PDE4B: variants seen among roughly 807,000 people sequenced by gnomAD.
PDE4B encodes the protein 3',5'-cyclic-AMP phosphodiesterase 4B.
A neutral mutation model predicts 82.2 loss-of-function variants in PDE4B; 20 were observed. That is an observed-to-expected ratio of 0.24 (90% CI 0.17 to 0.35). PDE4B has a LOEUF of 0.35. Ranked by LOEUF, PDE4B falls within the 10% of genes least tolerant of loss-of-function variation. The pLI, the probability that PDE4B is intolerant of heterozygous loss-of-function variation, is 1.00. For synonymous variants in PDE4B, 320 were observed against 318.9 expected, an observed-to-expected ratio of 1.00 and a Z score of -0.04; for missense variants, 655 against 907.2, an observed-to-expected ratio of 0.72 and a Z score of 3.57.
At chr1:65,827,504 C>A (rs1646032504) in intron 1 of PDE4B, among the ~76,000 whole-genome samples, 1 of 151,906 alleles carries the variant, frequency 6.6e-6, no homozygotes, top group Non-Finnish European at 1.5e-5. Flanking sequence ...ATAAAGAATA[C>A]CTTCAACTGA....
intron 3 of PDE4B, among the ~76,000 whole-genome samples, chr1:66,030,041 T>G (rs2100794679): frequency 6.6e-6 from 1 of 151,756 alleles, no homozygotes; most frequent in African/African-American, 2.4e-5. Flanking sequence ...TTGAGGGTTT[T>G]TTTTTTTTTT....
intron 3 of PDE4B, among the ~76,000 whole-genome samples, chr1:65,948,496 A>C (rs1013706269): frequency 6.6e-6 from 1 of 151,938 alleles, no homozygotes; most frequent in Non-Finnish European, 1.5e-5. Context: ...CTGAGAGGCT[A>C]GACCAGTCTC....
rs192090503 is a variant in PDE4B, at chr1:66,367,175, A to G, written c.1385-521A>G. Among the ~76,000 whole-genome samples, 427 of 152,328 alleles carry G rather than the reference A, an allele frequency of 2.8e-3. 1 individual carries two copies. The highest frequency in any genetic ancestry group is 4.4e-3 in the Non-Finnish European group (302 of 68,022). The stretch of plus-strand genomic sequence containing the variant: ...GTAATGTTTAGTATCATATTAATAG[A>G]AAGCTCTAAAAAGTGACAGTATTTG... On this transcript the variant is annotated intron_variant, in intron 13 of 16. Coordinates refer to ENST00000341517, the MANE Select transcript of PDE4B (RefSeq NM_002600.4).
chr1:65,988,624 C>G (rs1301413722), intron 3 of PDE4B, among the ~76,000 whole-genome samples: 2 of 101,742 alleles, frequency 2.0e-5, no homozygotes, highest in African/African-American at 5.1e-5. Context: ...AAATCTGTTC[C>G]TCTTTTAAAG....
intron 1 of PDE4B, among the ~76,000 whole-genome samples, chr1:65,885,386 A>G (rs1646761665): frequency 1.3e-5 from 2 of 152,206 alleles, no homozygotes; most frequent in Admixed American, 6.6e-5. Flanking sequence ...ATTATAAATC[A>G]TGCTGCTATA....
chr1:66,330,772 G>A (rs1660047123), intron 7 of PDE4B: 1 of 985,352 alleles, frequency 1.0e-6, no homozygotes, highest in Non-Finnish European at 1.2e-6. Context: ...GGACACACTA[G>A]AGAGTAAGTC....
At chr1:65,805,986 C>T (rs1645751201) in intron 1 of PDE4B, among the ~76,000 whole-genome samples, 1 of 152,116 alleles carries the variant, frequency 6.6e-6, no homozygotes, top group East Asian at 1.9e-4. Context: ...TCTTTTCTTT[C>T]TGGATACTGT....
intron 1 of PDE4B, among the ~76,000 whole-genome samples, chr1:65,885,860 TA>T (rs1557798045): frequency 4.3e-5 from 6 of 139,228 alleles, no homozygotes; most frequent in African/African-American, 1.7e-4. Context: ...TAACGTATAA[TA>T]ATAATAATAA....
At chr1:66,140,077 A>T (rs906030281) in intron 3 of PDE4B, among the ~76,000 whole-genome samples, 2 of 152,220 alleles carry the variant, frequency 1.3e-5, no homozygotes, top group African/African-American at 4.8e-5. Flanking sequence ...ACACAAACAC[A>T]GGATGGAGCA....
chr1:66,196,993 G>A (rs923822948), intron 3 of PDE4B, among the ~76,000 whole-genome samples: 1 of 151,956 alleles, frequency 6.6e-6, no homozygotes, highest in Non-Finnish European at 1.5e-5. Flanking sequence ...AAACATAAGA[G>A]CTCAGGATAA....
At chr1:65,868,161 C>T (rs1571040117) in intron 1 of PDE4B, among the ~76,000 whole-genome samples, 1 of 152,276 alleles carries the variant, frequency 6.6e-6, no homozygotes, top group African/African-American at 2.4e-5. Flanking sequence ...CAGATGGCTC[C>T]CTATGCTCTC....
intron 1 of PDE4B, among the ~76,000 whole-genome samples, chr1:65,836,970 A>C (rs1646146958): frequency 6.6e-6 from 1 of 152,148 alleles, no homozygotes; most frequent in Non-Finnish European, 1.5e-5. Context: ...GAACTCAGGG[A>C]GAAGACTTCC....
intron 3 of PDE4B, among the ~76,000 whole-genome samples, chr1:66,119,723 C>G (rs1293604464): frequency 2.0e-5 from 3 of 152,188 alleles, no homozygotes; most frequent in African/African-American, 7.2e-5. Flanking sequence ...TGTTGAAGTC[C>G]TAACTCCCAG....
intron 16 of PDE4B, among the ~76,000 whole-genome samples, chr1:66,371,406 C>G (rs575063966): frequency 3.0e-4 from 46 of 152,004 alleles, no homozygotes; most frequent in African/African-American, 9.2e-4. Flanking sequence ...TTGTCCCCAC[C>G]CCCAGTGTTT....
At chr1:65,976,917 T>A (rs577859837) in intron 3 of PDE4B, among the ~76,000 whole-genome samples, 1 of 152,224 alleles carries the variant, frequency 6.6e-6, no homozygotes, top group Admixed American at 6.5e-5. Flanking sequence ...AGTGTGAGAA[T>A]GGACTAACAG....
At chr1:66,097,537 C>CT (rs1021520985) in intron 3 of PDE4B, among the ~76,000 whole-genome samples, 1 of 151,718 alleles carries the variant, frequency 6.6e-6, no homozygotes, top group Non-Finnish European at 1.5e-5. Flanking sequence ...TTCAAATTTA[C>CT]TTTTTTTTCT....
intron 1 of PDE4B, among the ~76,000 whole-genome samples, chr1:65,881,928 C>G (rs1429594661): frequency 6.6e-6 from 1 of 152,102 alleles, no homozygotes; most frequent in East Asian, 1.9e-4. Flanking sequence ...TATCATTATG[C>G]TATTTGATCT....
Position 66,323,648 on chromosome 1 carries a change from C to G in PDE4B, c.635-8860C>G, listed in dbSNP as rs190949531. ...AATGTACCATGCACTGTCCTAAGCA[C>G]TTTACATTTATTTATTTGTTAACCA... is the stretch of plus-strand genomic sequence containing the variant. On this transcript the variant is annotated intron_variant, in intron 7 of 16. Transcript: ENST00000341517. 2.4e-4 allele frequency among the ~76,000 whole-genome samples: 36 copies of G among 152,244 alleles called. No homozygotes were observed. The East Asian group carries it at 6.9e-3, about 29-fold the overall frequency.
intron 7 of PDE4B, among the ~76,000 whole-genome samples, chr1:66,300,626 C>T (rs1449709163): frequency 2.6e-5 from 4 of 152,174 alleles, no homozygotes; most frequent in South Asian, 2.1e-4. Flanking sequence ...ATACATTCAT[C>T]TAACATTTAT....
Sources: gnomAD v4.1 joint callset for allele counts (sites outside exome capture counted in the v4.1 genomes callset) on GRCh38, gnomAD v4.1.1 for gene constraint, MANE v1.5 for transcripts, NCBI Gene and HGNC (gene_info 2026-07-23, HGNC 2026-07-21) for gene names.